Variants in CT55 observed in about 807,000 individuals in gnomAD.
The protein encoded by CT55 is cancer/testis antigen 55.
Under a neutral mutation model 12.6 loss-of-function variants are expected in CT55, and 1 was observed. The ratio of observed to expected loss-of-function variants is 0.08; its 90% CI spans 0.03 to 0.38. CT55 has a LOEUF of 0.38. Among genes scored for constraint, CT55 ranks in the 10% least tolerant of loss-of-function variants. The probability of loss-of-function intolerance (pLI) is 0.99; values close to 1 mark genes in which losing one functional copy is unlikely to be tolerated. For missense variants in CT55, 109 were observed against 135.4 expected, an observed-to-expected ratio of 0.80 and a Z score of 0.97; for synonymous variants, 43 against 49.7, an observed-to-expected ratio of 0.87 and a Z score of 0.57.
chrX:135,168,010 A>G (rs1456706125), intron 2 of CT55, among the ~76,000 whole-genome samples: 3 of 111,766 alleles, frequency 2.7e-5, no homozygotes, highest in Non-Finnish European at 5.6e-5. Flanking sequence ...AAATTGTTAC[A>G]GCCACCATGG....
At chrX:135,162,893 A>C (rs1383343460) in intron 2 of CT55, among the ~76,000 whole-genome samples, 1 of 111,619 alleles carries the variant, frequency 9.0e-6, no homozygotes, top group Non-Finnish European at 1.9e-5. Flanking sequence ...GGGAGTTCTC[A>C]GTGAATGGAG....
intron 2 of CT55, among the ~76,000 whole-genome samples, chrX:135,167,048 A>G (rs2083589072): frequency 8.9e-6 from 1 of 112,165 alleles, no homozygotes; most frequent in Non-Finnish European, 1.9e-5. Context: ...GATTCAATGC[A>G]ACTGCTATGA....
chrX:135,159,805 T>C (rs1603273717), intron 3 of CT55, among the ~76,000 whole-genome samples: 2 of 111,337 alleles, frequency 1.8e-5, no homozygotes, highest in East Asian at 5.6e-4. Context: ...GCGGAGCTAA[T>C]CTCTCCATTT....
rs1415749939 is a variant in CT55, at chrX:135,159,002, A to G, written c.425-691T>C. Among the ~76,000 whole-genome samples the G allele has an allele frequency of 3.6e-5, 4 of 112,255 alleles. No individual in the cohort carries two copies. The East Asian group carries it at 8.4e-4, about 24-fold the overall frequency. On this transcript the variant is annotated intron_variant, in intron 3 of 5. Coordinates refer to ENST00000276241, the MANE Select transcript of CT55 (RefSeq NM_001031705.3). ...TTACAGGTTACAGTTAAGACCATCA[A>G]GTTTCAAACAGAAGTTTGCAATAAG... is the stretch of plus-strand genomic sequence containing the variant.
Position 135,171,375 on chromosome X carries a change from GCTTCTCCGCTGA to G in CT55, c.-216_-205del. ...ACCGCAGCCTCCAAAGGAGCTCCCA[GCTTCTCCGCTGA>G]CTTCTCCCTCTGAGCATGCGCTCGT... is the stretch of plus-strand genomic sequence containing the variant. On this transcript the variant is annotated 5_prime_UTR_variant, in exon 1 of 6. Coordinates refer to ENST00000276241, the MANE Select transcript of CT55 (RefSeq NM_001031705.3). 1.4e-6 allele frequency: 1 copy of G among 720,086 alleles called. No homozygotes were observed. Among genetic ancestry groups the G allele is most frequent in the Non-Finnish European group, 1.9e-6 (1 of 524,026 alleles). The allele number at this position is 720,086 out of a possible 1,213,427, so 59.3% of individuals were successfully genotyped here. A position where few individuals can be genotyped will look rare whatever the true frequency, so the allele number is the denominator to read the frequency against.
intron 1 of CT55, 89 bp downstream of exon 1, chrX:135,170,989 C>T (rs1556406720): frequency 1.9e-5 from 22 of 1,159,323 alleles, no homozygotes; most frequent in East Asian, 9.2e-5. Flanking sequence ...AGTACCCACC[C>T]GAGTTACAAC....
chrX:135,158,231 C>G lies in CT55; in HGVS notation c.505G>C (p.Val169Leu). 1 of 1,206,888 alleles carries G rather than the reference C, an allele frequency of 8.3e-7. No homozygotes were observed. Residue 169 changes from valine to leucine, a missense_variant, in exon 4 of 6, where the codon GTG becomes CTG. Val to Leu is a conservative substitution (Grantham distance 32). Coordinates refer to ENST00000276241, the MANE Select transcript of CT55 (RefSeq NM_001031705.3). Reference sequence around the variant, plus strand: ...GTATGAATACAACGGATGGGCTTCACAGAAGTTGCCTTGATGTTTGAGATG... The same window carrying G: ...GTATGAATACAACGGATGGGCTTCAGAGAAGTTGCCTTGATGTTTGAGATG... ...PGISNIKATS[V>L]KPIRCIHTEE...
At chrX:135,158,446 C>G (rs2083546984) in intron 3 of CT55, 135 bp from the exon 4 acceptor site, 1 of 420,905 alleles carries the variant, frequency 2.4e-6, no homozygotes, top group African/African-American at 2.5e-5. Context: ...CATATTTAAA[C>G]AGACACTACA....
chrX:135,165,034 T>C (rs1312903150), intron 2 of CT55, among the ~76,000 whole-genome samples: 2 of 112,003 alleles, frequency 1.8e-5, no homozygotes, highest in African/African-American at 3.2e-5. Context: ...CGACAGAACA[T>C]TGACCCCACA....
chrX:135,169,717 C>T lies in CT55; in HGVS notation c.156G>A (p.Met52Ile). 1 of 1,209,133 alleles carries T rather than the reference C, an allele frequency of 8.3e-7. No individual in the cohort carries two copies. Among genetic ancestry groups the T allele is most frequent in the South Asian group, 1.8e-5 (1 of 56,512 alleles). Reference protein sequence around the residue: ...VVTSFCGDYGMIDESIYFSSD... With the variant: ...VVTSFCGDYGIIDESIYFSSD... Reference sequence around the variant, plus strand: ...TACTGAAGTAGATCGACTCATCAATCATGCCATAATCACCACAGAAACTTG... The same window carrying T: ...TACTGAAGTAGATCGACTCATCAATTATGCCATAATCACCACAGAAACTTG... The change falls in exon 2 of 6, where the codon ATG becomes ATA. Residue 52 changes from methionine (M) to isoleucine (I), a missense_variant. Met to Ile is a conservative substitution (Grantham distance 10). Transcript: ENST00000276241.
intron 2 of CT55, among the ~76,000 whole-genome samples, chrX:135,165,032 C>T (rs2083577323): frequency 2.7e-5 from 3 of 112,187 alleles, no homozygotes; most frequent in Non-Finnish European, 5.6e-5. Context: ...CCCGACAGAA[C>T]ATTGACCCCA....
intron 2 of CT55, among the ~76,000 whole-genome samples, chrX:135,165,337 G>A (rs2083578771): frequency 1.8e-5 from 2 of 111,847 alleles, no homozygotes. Context: ...TAACCAATGG[G>A]TCAATGAAGA....
chrX:135,158,368 AT>A, intron 3 of CT55, 57 bp from the exon 4 acceptor site: 1 of 717,379 alleles, frequency 1.4e-6, no homozygotes, highest in Non-Finnish European at 2.2e-6. Flanking sequence ...GTCACTTTTA[AT>A]TTCACATGTT....
At chrX:135,168,608 A>T (rs1335399294) in intron 2 of CT55, among the ~76,000 whole-genome samples, 1 of 111,616 alleles carries the variant, frequency 9.0e-6, no homozygotes, top group Non-Finnish European at 1.9e-5. Flanking sequence ...GGGAGCACGA[A>T]GAGCTTCCTT....
intron 2 of CT55, among the ~76,000 whole-genome samples, chrX:135,162,682 G>T (rs1226976845): frequency 6.3e-5 from 7 of 111,312 alleles, no homozygotes; most frequent in Non-Finnish European, 9.4e-5. Context: ...ATAGGACATT[G>T]CCTAGGAACC....
At chrX:135,170,803 C>T (rs1556406682) in intron 1 of CT55, among the ~76,000 whole-genome samples, 1 of 111,756 alleles carries the variant, frequency 8.9e-6, no homozygotes, top group African/African-American at 3.3e-5. Flanking sequence ...ATGTGCTGTG[C>T]GACCACGTGG....
At chrX:135,171,773 T>C (rs1286558054), upstream of CT55, among the ~76,000 whole-genome samples, 1 of 111,818 alleles carries the variant, frequency 8.9e-6, no homozygotes, top group Non-Finnish European at 1.9e-5. Context: ...GGGCATCATG[T>C]GGGTAGGCAA....
intron 3 of CT55, 109 bp downstream of exon 3, chrX:135,160,302 A>G (rs2083557234): frequency 1.3e-6 from 1 of 793,069 alleles, no homozygotes; most frequent in Admixed American, 4.4e-5. Context: ...TACCTCTAAC[A>G]CTGAAGAGCC....
At chrX:135,165,272 G>T (rs1391532250) in intron 2 of CT55, among the ~76,000 whole-genome samples, 18 of 112,141 alleles carry the variant, frequency 1.6e-4, no homozygotes, top group East Asian at 5.6e-4. Flanking sequence ...ATCAATAAAA[G>T]TAGGAACTTT....
Sources: allele counts gnomAD v4.1 joint callset (sites outside exome capture counted in the v4.1 genomes callset), GRCh38; gene constraint gnomAD v4.1.1; transcripts MANE v1.5; gene names NCBI Gene and HGNC (gene_info 2026-07-23, HGNC 2026-07-21).